Variants in RIC8B observed in about 807,000 individuals in gnomAD.
RIC8B encodes chaperone Ric-8B.
Under a neutral mutation model 57.5 loss-of-function variants are expected in RIC8B, and 16 were observed. The observed-to-expected ratio is 0.28, with a 90% CI of 0.19 to 0.42. RIC8B has a LOEUF of 0.42. RIC8B is among the 10% of genes least tolerant of loss of function. The probability of loss-of-function intolerance (pLI) is 1.00; values close to 1 mark genes in which losing one functional copy is unlikely to be tolerated. For synonymous variants in RIC8B, 216 were observed against 250.8 expected, an observed-to-expected ratio of 0.86 and a Z score of 1.31; for missense variants, 481 against 677.0, an observed-to-expected ratio of 0.71 and a Z score of 3.21.
intron 4 of RIC8B, among the ~76,000 whole-genome samples, chr12:106,833,339 C>G (rs933420308): frequency 7.2e-5 from 11 of 152,152 alleles, no homozygotes; most frequent in African/African-American, 2.7e-4. Flanking sequence ...TGGTGGCTCA[C>G]GCCTGTAATC....
At chr12:106,871,532 C>T (rs1950430567) in intron 9 of RIC8B, 1 of 149,298 alleles carries the variant, frequency 6.7e-6, no homozygotes, top group South Asian at 2.2e-4. Context: ...TGCTTCTCAC[C>T]TCCTTCCCCT....
intron 3 of RIC8B, among the ~76,000 whole-genome samples, chr12:106,817,844 T>C (rs1310118580): frequency 2.1e-5 from 2 of 96,806 alleles, no homozygotes; most frequent in African/African-American, 4.3e-5. Flanking sequence ...AAAAAAAAAA[T>C]CTCTCACCAG....
intron 4 of RIC8B, among the ~76,000 whole-genome samples, chr12:106,837,058 C>T (rs772090897): frequency 1.6e-4 from 25 of 152,238 alleles, no homozygotes; most frequent in Non-Finnish European, 3.1e-4. Flanking sequence ...CCTTCCCTAA[C>T]CATCCTATTT....
intron 8 of RIC8B, among the ~76,000 whole-genome samples, chr12:106,868,703 C>G (rs1593363473): frequency 6.7e-6 from 1 of 149,806 alleles, no homozygotes; most frequent in African/African-American, 2.5e-5. Flanking sequence ...TTTTTCTCTT[C>G]TTTTAGGAGC....
At chr12:106,870,727 A>G (rs1283765461) in intron 8 of RIC8B, 96 bp from the exon 9 acceptor site, 38 of 1,014,204 alleles carry the variant, frequency 3.7e-5, no homozygotes, top group Non-Finnish European at 4.7e-5. Flanking sequence ...TTTGGCTATT[A>G]TACTCTTTCT....
intron 2 of RIC8B, among the ~76,000 whole-genome samples, chr12:106,808,547 C>A (rs2045172286): frequency 6.6e-6 from 1 of 152,108 alleles, no homozygotes; most frequent in African/African-American, 2.4e-5. Context: ...CAATACTTTT[C>A]TAAAATATAA....
intron 7 of RIC8B, among the ~76,000 whole-genome samples, chr12:106,853,937 C>T (rs1949604077): frequency 6.6e-6 from 1 of 152,066 alleles, no homozygotes. Context: ...ATTTAAGGGT[C>T]ACAGACTCAA....
In RIC8B at chr12:106,842,294, G is replaced by T. The variant is rs145623628; in HGVS notation, c.837-295G>T. Among the ~76,000 whole-genome samples, 131 of 152,256 alleles carry T rather than the reference G, an allele frequency of 8.6e-4. 3 individuals are homozygous for T. The East Asian group carries it at 0.024, about 28-fold the overall frequency. ...ATTGTTGCCATAATAAAATTAAGGA[G>T]CTGGCATTAAAGCTCACTAATTCCT... is the stretch of plus-strand genomic sequence containing the variant. On this transcript the variant is annotated intron_variant, in intron 4 of 9. Coordinates refer to ENST00000392837, the MANE Select transcript of RIC8B (RefSeq NM_001330145.2).
chr12:106,862,425 G>A (rs1949979742), intron 8 of RIC8B, among the ~76,000 whole-genome samples: 1 of 152,050 alleles, frequency 6.6e-6, no homozygotes, highest in Non-Finnish European at 1.5e-5. Flanking sequence ...CTCTATGGAA[G>A]TGGTGGTAAA....
intron 1 of RIC8B, among the ~76,000 whole-genome samples, chr12:106,780,743 G>A (rs1038214730): frequency 2.6e-5 from 4 of 152,204 alleles, no homozygotes; most frequent in African/African-American, 9.6e-5. Flanking sequence ...TTATTCCCTT[G>A]TAGTAGTGCT....
In RIC8B at chr12:106,867,531, T is replaced by C. The variant is rs900530801; in HGVS notation, c.1452-3292T>C. The stretch of plus-strand genomic sequence containing the variant: ...ATTTCATAGCGTTAAGATTGAAACC[T>C]GGACTGTGGCGTCTCAGACTGTACT... On this transcript the variant is annotated intron_variant, in intron 8 of 9. Coordinates refer to ENST00000392837, the MANE Select transcript of RIC8B (RefSeq NM_001330145.2). The surrounding 1 kb of genome is among the most constrained non-coding windows in gnomAD (Gnocchi z 4.3). Among the ~76,000 whole-genome samples the C allele has an allele frequency of 2.0e-5, 3 of 152,240 alleles. No individual in the cohort carries two copies. The highest frequency in any genetic ancestry group is 7.2e-5 in the African/African-American group (3 of 41,464).
intron 3 of RIC8B, among the ~76,000 whole-genome samples, chr12:106,819,169 C>T (rs1322393131): frequency 6.6e-6 from 1 of 151,940 alleles, no homozygotes; most frequent in Non-Finnish European, 1.5e-5. Flanking sequence ...CTTTTTTCTT[C>T]ACAATAAAAA....
Position 106,860,446 on chromosome 12 carries a change from G to T in RIC8B, c.1451+34G>T, listed in dbSNP as rs375543138. The T allele has an allele frequency of 6.8e-5, 97 of 1,424,648 alleles. No homozygotes were observed. The African/African-American group carries it at 8.8e-4, about 13-fold the overall frequency. The allele number at this position is 1,424,648 out of a possible 1,614,324, so 88.3% of individuals were successfully genotyped here. On this transcript the variant is annotated intron_variant, in intron 8 of 9. Transcript: ENST00000392837. Reference sequence around the variant, plus strand: ...TCAAATTTCTTTTCACCTAACTATGGCTGTGCCTTTGAGTTGGTTATTTCC... The same window carrying T: ...TCAAATTTCTTTTCACCTAACTATGTCTGTGCCTTTGAGTTGGTTATTTCC...
chr12:106,795,034 A>C (rs917847601), intron 2 of RIC8B, among the ~76,000 whole-genome samples: 1 of 152,238 alleles, frequency 6.6e-6, no homozygotes. Flanking sequence ...GCTGTATTGA[A>C]CTAAGGAAGC....
At chr12:106,774,856 G>A in intron 1 of RIC8B, 27 bp downstream of exon 1, 1 of 1,518,684 alleles carries the variant, frequency 6.6e-7, no homozygotes, top group South Asian at 1.2e-5. Context: ...CCGGGCGTGC[G>A]GTATCGCACC....
In RIC8B at chr12:106,888,128, T is replaced by G. The variant is rs1380640323; in HGVS notation, c.*2113T>G. Reference sequence around the variant, plus strand: ...TGGCATGCATGTCAGCTTACCTAAATGAAGATGTGTTTAATGAAATGCCAT... The same window carrying G: ...TGGCATGCATGTCAGCTTACCTAAAGGAAGATGTGTTTAATGAAATGCCAT... On this transcript the variant is annotated 3_prime_UTR_variant, in exon 10 of 10. Coordinates refer to ENST00000392837, the MANE Select transcript of RIC8B (RefSeq NM_001330145.2). The G allele has an allele frequency of 2.0e-5, 3 of 152,568 alleles. No individual in the cohort carries two copies. The highest frequency in any genetic ancestry group is 2.0e-4 in the Admixed American group (3 of 15,280). 9.5% of individuals were successfully genotyped at this position (152,568 alleles called of 1,614,324 possible). A position where few individuals can be genotyped will look rare whatever the true frequency, so the allele number is the denominator to read the frequency against.
chr12:106,857,380 G>C (rs547120360), intron 7 of RIC8B, among the ~76,000 whole-genome samples: 1 of 152,224 alleles, frequency 6.6e-6, no homozygotes, highest in Admixed American at 6.5e-5. Context: ...GAGCAAAAAC[G>C]TATTGCTTTT....
intron 2 of RIC8B, among the ~76,000 whole-genome samples, chr12:106,787,800 G>A (rs1485954057): frequency 6.6e-6 from 1 of 152,092 alleles, no homozygotes; most frequent in East Asian, 1.9e-4. Context: ...TGGGAATTAC[G>A]GGAGTACAAT....
chr12:106,794,321 A>G (rs1023676550), intron 2 of RIC8B, among the ~76,000 whole-genome samples: 3 of 152,072 alleles, frequency 2.0e-5, no homozygotes, highest in African/African-American at 7.2e-5. Context: ...GTGGAATAAC[A>G]TTTACATACC....
Sources: gnomAD v4.1 joint callset for allele counts (sites outside exome capture counted in the v4.1 genomes callset) on GRCh38, gnomAD v4.1.1 for gene constraint, Gnocchi (gnomAD v3.1) non-coding constraint, MANE v1.5 for transcripts, NCBI Gene and HGNC (gene_info 2026-07-23, HGNC 2026-07-21) for gene names.